Variants in TRIP12 observed in about 807,000 individuals in gnomAD.
TRIP12 encodes the protein E3 ubiquitin-protein ligase TRIP12.
TRIP12 carries 25 observed loss-of-function variants against 244.2 expected under a neutral mutation model. The observed-to-expected ratio is 0.10, with a 90% CI of 0.07 to 0.14. TRIP12 has a LOEUF of 0.14. Ranked by LOEUF, TRIP12 falls within the 10% of genes least tolerant of loss-of-function variation. The pLI, the probability that TRIP12 is intolerant of heterozygous loss-of-function variation, is 1.00. For missense variants in TRIP12, 1,677 were observed against 2,486.4 expected, an observed-to-expected ratio of 0.67 and a Z score of 6.92; for synonymous variants, 905 against 873.1, an observed-to-expected ratio of 1.04 and a Z score of -0.64.
chr2:229,816,666 T>A (rs2048576129), intron 9 of TRIP12, among the ~76,000 whole-genome samples: 1 of 152,236 alleles, frequency 6.6e-6, no homozygotes, highest in Non-Finnish European at 1.5e-5. Flanking sequence ...AACCAGCACA[T>A]TAAGTAAAGT....
chr2:229,776,273 CTTT>C (rs921650635), intron 37 of TRIP12, among the ~76,000 whole-genome samples: 1 of 151,994 alleles, frequency 6.6e-6, no homozygotes, highest in Non-Finnish European at 1.5e-5. Context: ...TTTGTTTCTC[CTTT>C]TTTTGTTTTT....
intron 2 of TRIP12, among the ~76,000 whole-genome samples, chr2:229,876,996 T>C (rs550678411): frequency 6.6e-6 from 1 of 152,002 alleles, no homozygotes; most frequent in Non-Finnish European, 1.5e-5. Flanking sequence ...ATGCTCGGCC[T>C]TACTCATTTT....
chr2:229,795,058 T>C (rs2154262828), intron 26 of TRIP12, 121 bp downstream of exon 26: 1 of 1,186,230 alleles, frequency 8.4e-7, no homozygotes, highest in East Asian at 2.4e-5. Flanking sequence ...ATTTCTTTCA[T>C]CATTACAGCT....
chr2:229,816,183 TACTC>T (rs1242406237), intron 9 of TRIP12, among the ~76,000 whole-genome samples: 1 of 152,160 alleles, frequency 6.6e-6, no homozygotes, highest in Non-Finnish European at 1.5e-5. Flanking sequence ...TCTAACACCA[TACTC>T]ACTCAATATG....
intron 12 of TRIP12, 51 bp downstream of exon 12, chr2:229,814,182 T>A: frequency 6.3e-7 from 1 of 1,596,204 alleles, no homozygotes; most frequent in African/African-American, 1.3e-5. Flanking sequence ...ATGTGGATTT[T>A]AAAAATTCTA....
chr2:229,769,316 G>T lies in TRIP12; in HGVS notation c.5818C>A (p.Leu1940Ile). 6.2e-7 allele frequency: 1 copy of T among 1,613,996 alleles called. No homozygotes were observed. The highest frequency in any genetic ancestry group is 8.5e-7 in the Non-Finnish European group (1 of 1,179,952). Residue 1940 changes from leucine (L) to isoleucine (I), a missense_variant, in exon 40 of 42, where the codon CTC becomes ATC. Around this residue, in one of 11 missense-constraint regions of TRIP12, gnomAD observed 171 missense variants for 388.4 expected, o/e 0.44. Coordinates refer to ENST00000675903, the MANE Select transcript of TRIP12 (RefSeq NM_001348323.3). ...QYFYPEELDQ[L>I]LCGSKADTWD... The stretch of plus-strand genomic sequence containing the variant: ...GTGTCTGCTTTACTGCCACAAAGGA[G>T]CTGATCCAGCTGTGAGTTTAAATAA...
intron 2 of TRIP12, among the ~76,000 whole-genome samples, chr2:229,869,496 C>T (rs149943579): frequency 1.7e-4 from 26 of 152,296 alleles, no homozygotes; most frequent in African/African-American, 6.3e-4. Flanking sequence ...TCAATGAGGT[C>T]ATCTCTAGAA....
chr2:229,875,771 T>C (rs1181214290), intron 2 of TRIP12, among the ~76,000 whole-genome samples: 2 of 152,228 alleles, frequency 1.3e-5, no homozygotes, highest in Non-Finnish European at 2.9e-5. Flanking sequence ...TGAATACCTT[T>C]ATGGGGCAAG....
In TRIP12 at chr2:229,807,381, C is replaced by T. The variant is rs966039705; in HGVS notation, c.2496+327G>A. ...GTAAATCTTTGCTCATGGGACATTG[C>T]TTTCTGATAGAAGATAGATAAATTT... On this transcript the variant is annotated intron_variant, in intron 17 of 41. Coordinates refer to ENST00000675903, the MANE Select transcript of TRIP12 (RefSeq NM_001348323.3). 6 of 321,310 alleles carry T rather than the reference C, an allele frequency of 1.9e-5. No homozygotes were observed. In the East Asian group the frequency reaches 3.6e-4, roughly 19 times the overall value. 19.9% of individuals were successfully genotyped at this position (321,310 alleles called of 1,614,324 possible).
intron 2 of TRIP12, among the ~76,000 whole-genome samples, chr2:229,865,232 G>A (rs1232337671): frequency 6.7e-6 from 1 of 148,616 alleles, no homozygotes; most frequent in East Asian, 2.0e-4. Flanking sequence ...AAGATCACTC[G>A]AGCCTAGCAG....
At chr2:229,906,002 C>T (rs1301399392) in intron 1 of TRIP12, among the ~76,000 whole-genome samples, 1 of 152,250 alleles carries the variant, frequency 6.6e-6, no homozygotes, top group Non-Finnish European at 1.5e-5. Flanking sequence ...GTTGAAGAAC[C>T]ACATAAAGAA....
At chr2:229,870,954 C>A (rs887913410) in intron 2 of TRIP12, among the ~76,000 whole-genome samples, 3 of 152,002 alleles carry the variant, frequency 2.0e-5, no homozygotes, top group Non-Finnish European at 2.9e-5. Flanking sequence ...GGGAGGATCA[C>A]TTGAGCTCAG....
intron 31 of TRIP12, among the ~76,000 whole-genome samples, chr2:229,789,274 T>G (rs554316088): frequency 6.6e-6 from 1 of 152,372 alleles, no homozygotes; most frequent in East Asian, 1.9e-4. Flanking sequence ...AAAGGCAGCA[T>G]GCAACTTTCA....
At chr2:229,848,288 A>C (rs1261849930) in intron 4 of TRIP12, among the ~76,000 whole-genome samples, 7 of 151,884 alleles carry the variant, frequency 4.6e-5, no homozygotes, top group Non-Finnish European at 1.0e-4. Context: ...AGTTCCTAAC[A>C]TGAAAGACAA....
intron 2 of TRIP12, among the ~76,000 whole-genome samples, chr2:229,873,318 G>A (rs1484229838): frequency 6.6e-6 from 1 of 152,148 alleles, no homozygotes; most frequent in African/African-American, 2.4e-5. Flanking sequence ...TCACTTCAGG[G>A]AATCTATCCT....
intron 1 of TRIP12, among the ~76,000 whole-genome samples, chr2:229,880,585 A>AT (rs759765432): frequency 3.4e-4 from 51 of 152,234 alleles, no homozygotes; most frequent in Non-Finnish European, 7.1e-4. Flanking sequence ...TAGACACAGA[A>AT]TTAACAATGT....
intron 2 of TRIP12, among the ~76,000 whole-genome samples, chr2:229,872,418 G>C (rs2062818453): frequency 6.6e-6 from 1 of 152,106 alleles, no homozygotes; most frequent in Non-Finnish European, 1.5e-5. Context: ...ACAAAAATTA[G>C]CCAGCTGTGG....
At position 229,791,952 on chromosome 2, in the gene TRIP12, T is replaced by C. The variant is rs538854858; in HGVS notation, c.4329A>G (p.Ile1443Met). The change falls in exon 29 of 42, where the codon ATA becomes ATG. Residue 1443 changes from isoleucine to methionine, a missense_variant. By Grantham distance (10) the Ile-to-Met change is conservative (BLOSUM62 1). This residue lies in a region of TRIP12 where 265 missense variants were observed against 370.8 expected (regional missense o/e 0.71). Coordinates refer to ENST00000675903, the MANE Select transcript of TRIP12 (RefSeq NM_001348323.3). The stretch of plus-strand genomic sequence containing the variant: ...TGGATTCTCTTTCATCTTCAGCCTG[T>C]ATACTAAACTGCCGTACTGCCTGAT... ...TVYQAVRQFS[I>M]QAEDERESTD... The C allele has an allele frequency of 1.2e-6, 2 of 1,614,180 alleles. No homozygotes were observed. Among genetic ancestry groups the C allele is most frequent in the East Asian group, 2.2e-5 (1 of 44,868 alleles).
intron 5 of TRIP12, among the ~76,000 whole-genome samples, chr2:229,837,194 G>A (rs139610142): frequency 1.5e-4 from 23 of 152,282 alleles, no homozygotes; most frequent in African/African-American, 4.6e-4. Flanking sequence ...TACAATACAA[G>A]CTTTTGTTAC....
Sources: allele counts gnomAD v4.1 joint callset (sites outside exome capture counted in the v4.1 genomes callset), GRCh38; gene constraint gnomAD v4.1.1; regional missense constraint gnomAD v4.1.1; transcripts MANE v1.5; gene names NCBI Gene and HGNC (gene_info 2026-07-23, HGNC 2026-07-21).